The following COL27A1 variants were observed in gnomAD, a reference collection of about 807,000 sequenced individuals.
COL27A1 encodes the protein collagen type XXVII alpha 1 chain.
Under a neutral mutation model 251.3 loss-of-function variants are expected in COL27A1, and 106 were observed. The observed-to-expected ratio is 0.42, with a 90% CI of 0.36 to 0.50. The LOEUF (loss-of-function observed/expected upper bound fraction) is 0.50, where lower values mean the gene tolerates loss of function less well. Ranked by LOEUF, COL27A1 falls within the 20% of genes least tolerant of loss-of-function variation. The pLI, the probability that COL27A1 is intolerant of heterozygous loss-of-function variation, is 0.00. For missense variants in COL27A1, 2,325 were observed against 2,522.8 expected (o/e 0.92, Z 1.68); for synonymous variants, 1,000 against 986.3 (o/e 1.01, Z -0.26).
At chr9:114,211,114 A>G in intron 12 of COL27A1, 88 bp downstream of exon 12, 1 of 1,338,550 alleles carries the variant, frequency 7.5e-7, no homozygotes, top group Non-Finnish European at 1.1e-6. Context: ...GCTGCCTGGC[A>G]TCTTCTGCTT....
intron 13 of COL27A1, 89 bp from the exon 14 acceptor site, chr9:114,222,134 A>G (rs1831154375): frequency 8.6e-7 from 1 of 1,165,972 alleles, no homozygotes; most frequent in East Asian, 2.4e-5. Flanking sequence ...GAAAGACCCC[A>G]CCAGGTGCCT....
intron 12 of COL27A1, among the ~76,000 whole-genome samples, chr9:114,212,798 T>C (rs1588673523): frequency 6.6e-6 from 1 of 152,204 alleles, no homozygotes; most frequent in Non-Finnish European, 1.5e-5. Context: ...CCGCCCGGAA[T>C]AAGGTTTCCT....
At chr9:114,252,856 C>T (rs747344584) in intron 26 of COL27A1, 23 bp from the exon 27 acceptor site, 40 of 1,613,170 alleles carry the variant, frequency 2.5e-5, no homozygotes, top group Non-Finnish European at 3.1e-5. Context: ...CTGATTCCTC[C>T]TTTGTCTTCT....
At chr9:114,186,408 C>A (rs899569534) in intron 5 of COL27A1, among the ~76,000 whole-genome samples, 1 of 152,250 alleles carries the variant, frequency 6.6e-6, no homozygotes, top group Non-Finnish European at 1.5e-5. Context: ...ATGGTCCCTG[C>A]CCTTGGGGAG....
At chr9:114,183,266 G>T (rs1477210988) in intron 5 of COL27A1, among the ~76,000 whole-genome samples, 191 bp downstream of exon 5, 1 of 152,218 alleles carries the variant, frequency 6.6e-6, no homozygotes, top group Non-Finnish European at 1.5e-5. Flanking sequence ...CAGTGCTTCC[G>T]TCTGGGAGAG....
In COL27A1 at chr9:114,178,342, C is replaced by T. The variant is rs760156443; in HGVS notation, c.1960C>T (p.Arg654Trp). The change falls in exon 4 of 61, where the codon CGG (arginine) becomes TGG (tryptophan). Residue 654 changes from arginine (R) to tryptophan (W), a missense_variant and splice_region_variant. Arg to Trp is a moderately radical substitution (Grantham distance 101). Transcript: ENST00000356083. ...TGGAATCCCTGGTGCACGTGGGCCTCGGGTGAGTTATCTCACACTGTCCTT... is the reference window on the plus strand; with the variant it reads ...TGGAATCCCTGGTGCACGTGGGCCTTGGGTGAGTTATCTCACACTGTCCTT... ...LPGIPGARGP[R>W]GPPGPYGNPG... 29 of 1,613,914 alleles carry T rather than the reference C, an allele frequency of 1.8e-5. No homozygotes were observed. The highest frequency in any genetic ancestry group is 1.7e-4 in the Middle Eastern group (1 of 6,058).
In COL27A1 at chr9:114,310,064, T is replaced by A. The variant is rs1200526051; in HGVS notation, c.5437-485T>A. 3.9e-5 allele frequency among the ~76,000 whole-genome samples: 6 copies of A among 152,130 alleles called. No homozygotes were observed. In the South Asian group the frequency reaches 1.0e-3, roughly 26 times the overall value. ...GAAATGTACTTATTTTCAGGGGAGC[T>A]AAGCTATGAAGACACAAAGGCATAA... is the stretch of plus-strand genomic sequence containing the variant. On this transcript the variant is annotated intron_variant, in intron 60 of 60. Transcript: ENST00000356083.
intron 3 of COL27A1, among the ~76,000 whole-genome samples, chr9:114,175,872 C>T (rs2135130839): frequency 6.6e-6 from 1 of 152,346 alleles, no homozygotes; most frequent in East Asian, 1.9e-4. Context: ...TTTTCCTCTT[C>T]ACTTGATAAT....
intron 23 of COL27A1, among the ~76,000 whole-genome samples, chr9:114,245,152 T>G (rs1055175265): frequency 7.9e-6 from 1 of 126,656 alleles, no homozygotes; most frequent in Non-Finnish European, 1.7e-5. Context: ...ATTCTTGTTT[T>G]TTTTTTTTTT....
intron 7 of COL27A1, among the ~76,000 whole-genome samples, chr9:114,198,712 G>A (rs992739437): frequency 2.0e-5 from 3 of 152,308 alleles, no homozygotes; most frequent in Non-Finnish European, 2.9e-5. Flanking sequence ...TGCCCGAGAA[G>A]GTTTGTTTCT....
At chr9:114,233,349 G>A (rs1832098898) in intron 16 of COL27A1, among the ~76,000 whole-genome samples, 1 of 152,168 alleles carries the variant, frequency 6.6e-6, no homozygotes, top group Non-Finnish European at 1.5e-5. Context: ...AGCCAGCTGG[G>A]TGCCATGCCA....
chr9:114,157,106 ACG>A (rs1554782456), intron 1 of COL27A1, among the ~76,000 whole-genome samples: 1 of 147,844 alleles, frequency 6.8e-6, no homozygotes, highest in Non-Finnish European at 1.5e-5. Flanking sequence ...ACACACACAT[ACG>A]CGCGCGCGGC....
chr9:114,297,683 A>G (rs1564583728), intron 49 of COL27A1, among the ~76,000 whole-genome samples: 3 of 152,222 alleles, frequency 2.0e-5, no homozygotes, highest in African/African-American at 4.8e-5. Flanking sequence ...CCTCAACCTG[A>G]TAGAGAATAT....
At position 114,299,963 on chromosome 9, in the gene COL27A1, C is replaced by T. The variant is rs533560379; in HGVS notation, c.4585-107C>T. 1.3e-5 allele frequency: 13 copies of T among 1,014,052 alleles called. No homozygotes were observed. The Admixed American group carries it at 1.6e-4, about 12-fold the overall frequency. 62.8% of individuals were successfully genotyped at this position (1,014,052 alleles called of 1,614,324 possible). On this transcript the variant is annotated intron_variant, in intron 49 of 60. Transcript: ENST00000356083. ...CGCTTCACAGAGGAGTCACTGATATCCCTGGAAAGGCTGGGAGGGAAAAGG... is the reference window on the plus strand; with the variant it reads ...CGCTTCACAGAGGAGTCACTGATATTCCTGGAAAGGCTGGGAGGGAAAAGG...
At chr9:114,163,870 G>T (rs572450548) in intron 2 of COL27A1, among the ~76,000 whole-genome samples, 1 of 148,368 alleles carries the variant, frequency 6.7e-6, no homozygotes, top group East Asian at 2.0e-4. Context: ...GGGGCGGGGG[G>T]AGAGGCTGGA....
At chr9:114,183,237 T>G (rs1305102889) in intron 5 of COL27A1, among the ~76,000 whole-genome samples, 162 bp downstream of exon 5, 1 of 152,230 alleles carries the variant, frequency 6.6e-6, no homozygotes, top group Non-Finnish European at 1.5e-5. Flanking sequence ...GGCTGGGCCC[T>G]GTGCCTGGTC....
At chr9:114,221,040 C>T (rs1051442454) in intron 13 of COL27A1, among the ~76,000 whole-genome samples, 2 of 149,252 alleles carry the variant, frequency 1.3e-5, no homozygotes, top group Admixed American at 6.7e-5. Flanking sequence ...GACAGGAGGG[C>T]AGCCAAGGTG....
At chr9:114,261,126 T>C (rs1201410096) in intron 28 of COL27A1, among the ~76,000 whole-genome samples, 1 of 152,240 alleles carries the variant, frequency 6.6e-6, no homozygotes, top group Admixed American at 6.5e-5. Flanking sequence ...TTGAACTTGC[T>C]GCAGGGTGGC....
At chr9:114,165,221 A>G (rs769165660) in intron 2 of COL27A1, among the ~76,000 whole-genome samples, 9 of 152,186 alleles carry the variant, frequency 5.9e-5, no homozygotes, top group African/African-American at 9.7e-5. Flanking sequence ...AGAGTCTGCT[A>G]TAGAACCATT....
Sources: allele counts gnomAD v4.1 joint callset (sites outside exome capture counted in the v4.1 genomes callset), GRCh38; gene constraint gnomAD v4.1.1; transcripts MANE v1.5; gene names NCBI Gene and HGNC (gene_info 2026-07-23, HGNC 2026-07-21).